BTBD16: variants seen among roughly 807,000 people sequenced by gnomAD.
BTBD16 encodes BTB domain containing 16, also known as BTB/POZ domain-containing protein 16.
Under a neutral mutation model 67.4 loss-of-function variants are expected in BTBD16, and 66 were observed. The ratio of observed to expected loss-of-function variants is 0.98; its 90% CI spans 0.80 to 1.20. The LOEUF (loss-of-function observed/expected upper bound fraction) is 1.20. BTBD16 is among the 50% of genes most tolerant of loss of function. BTBD16 has a pLI of 0.00. For synonymous variants in BTBD16, 242 were observed against 236.4 expected (o/e 1.02, Z -0.22); for missense variants, 634 against 616.0 (o/e 1.03, Z -0.31).
intron 7 of BTBD16, among the ~76,000 whole-genome samples, chr10:122,296,998 G>C (rs1269220199): frequency 6.6e-6 from 1 of 152,244 alleles, no homozygotes; most frequent in Non-Finnish European, 1.5e-5. Context: ...GGCCTGGCCT[G>C]TTCTTTTTCC....
chr10:122,275,668 G>T (rs1486459256), intron 2 of BTBD16, among the ~76,000 whole-genome samples: 2 of 152,108 alleles, frequency 1.3e-5, no homozygotes, highest in African/African-American at 2.4e-5. Flanking sequence ...TGGTGCCCTG[G>T]GTGGCTTGGG....
At chr10:122,321,401 G>A (rs2096435190) in intron 10 of BTBD16, among the ~76,000 whole-genome samples, 1 of 152,162 alleles carries the variant, frequency 6.6e-6, no homozygotes, top group Admixed American at 6.6e-5. Flanking sequence ...AAATGGTATA[G>A]TGCAATTTTC....
intron 13 of BTBD16, chr10:122,333,145 G>A (rs755913472): frequency 3.5e-5 from 7 of 197,424 alleles, no homozygotes; most frequent in Admixed American, 6.5e-5. Flanking sequence ...AAGAATTCAC[G>A]TTTCAAGAAC....
chr10:122,305,268 T>G (rs1368906694), intron 9 of BTBD16, among the ~76,000 whole-genome samples: 1 of 152,256 alleles, frequency 6.6e-6, no homozygotes, highest in Non-Finnish European at 1.5e-5. Context: ...GTGATCAGTA[T>G]AATATCCTTG....
chr10:122,291,148 G>A lies in BTBD16; in HGVS notation c.544G>A (p.Val182Met). The change falls in exon 7 of 16, where the codon GTG becomes ATG. Residue 182 changes from valine (V) to methionine (M), a missense_variant. Val to Met is a conservative substitution (Grantham distance 21, BLOSUM62 1). Transcript: ENST00000260723. ...GATTAACTTGGAAGACCTACTGGGAGTGCTGGCTTCCGCCCACATCCTCCA... is the reference window on the plus strand; with the variant it reads ...GATTAACTTGGAAGACCTACTGGGAATGCTGGCTTCCGCCCACATCCTCCA... ...VEINLEDLLGVLASAHILQFS... is the reference protein window; with the variant it reads ...VEINLEDLLGMLASAHILQFS... 3.1e-6 allele frequency: 5 copies of A among 1,613,922 alleles called. No homozygotes were observed. The highest frequency in any genetic ancestry group is 4.2e-6 in the Non-Finnish European group (5 of 1,179,916).
chr10:122,291,250 C>T (rs549354896), intron 7 of BTBD16, 56 bp downstream of exon 7: 532 of 1,565,606 alleles, frequency 3.4e-4, no homozygotes, highest in Non-Finnish European at 4.0e-4. Flanking sequence ...ATCGGAAGGG[C>T]AATTCCTGGC....
At chr10:122,331,375 T>C in intron 12 of BTBD16, 117 bp downstream of exon 12, 1 of 1,380,266 alleles carries the variant, frequency 7.2e-7, no homozygotes, top group Non-Finnish European at 9.5e-7. Context: ...TCAGGACATA[T>C]CTGGATCATC....
intron 10 of BTBD16, among the ~76,000 whole-genome samples, chr10:122,323,752 C>T (rs2096439469): frequency 1.3e-5 from 2 of 152,178 alleles, no homozygotes; most frequent in Non-Finnish European, 2.9e-5. Context: ...TAGAGATCAT[C>T]TGGTCTCACC....
intron 10 of BTBD16, among the ~76,000 whole-genome samples, chr10:122,310,490 C>T (rs987433102): frequency 2.0e-5 from 3 of 152,120 alleles, no homozygotes; most frequent in South Asian, 2.1e-4. Flanking sequence ...CAGGGAGTCA[C>T]GGACAGCCTG....
chr10:122,325,620 A>C (rs1180576391), intron 10 of BTBD16, among the ~76,000 whole-genome samples: 1 of 151,844 alleles, frequency 6.6e-6, no homozygotes, highest in Non-Finnish European at 1.5e-5. Flanking sequence ...TTCATTTACC[A>C]CACTTGAGTG....
At chr10:122,316,321 C>G (rs922071748) in intron 10 of BTBD16, among the ~76,000 whole-genome samples, 4 of 152,076 alleles carry the variant, frequency 2.6e-5, no homozygotes, top group African/African-American at 9.7e-5. Context: ...TTTGCTCCAG[C>G]CCCACCACCA....
Position 122,329,476 on chromosome 10 carries a change from T to G in BTBD16, c.912-4T>G. ...CTGTTATTCTTCTTTATGCCTCTGC[T>G]AAGCTTTCCTGAGAACTGTTGCTTT... On this transcript the variant is annotated splice_region_variant and splice_polypyrimidine_tract_variant and intron_variant, in intron 10 of 15. Coordinates refer to ENST00000260723, the MANE Select transcript of BTBD16 (RefSeq NM_144587.5). 1 of 1,613,826 alleles carries G rather than the reference T, an allele frequency of 6.2e-7. No individual in the cohort carries two copies.
chr10:122,276,725 G>A (rs1256413449), intron 2 of BTBD16, 66 bp from the exon 3 acceptor site: 1 of 1,578,546 alleles, frequency 6.3e-7, no homozygotes, highest in Non-Finnish European at 8.6e-7. Context: ...TATACAATTT[G>A]GAAAATCTGG....
At chr10:122,292,730 C>A (rs562255982) in intron 7 of BTBD16, among the ~76,000 whole-genome samples, 7 of 152,324 alleles carry the variant, frequency 4.6e-5, no homozygotes, top group African/African-American at 1.7e-4. Flanking sequence ...TGGGCAGGAT[C>A]CCTGCCCTCT....
At position 122,327,517 on chromosome 10, in the gene BTBD16, C is replaced by G. The variant is rs142091614; in HGVS notation, c.912-1963C>G. The G allele has an allele frequency of 1.3e-3, 1,162 of 877,806 alleles. 13 individuals carry two copies. In the African/African-American group the frequency reaches 0.02, roughly 15 times the overall value. 54.4% of individuals were successfully genotyped at this position (877,806 alleles called of 1,614,324 possible). ...GAGGAGAGTGAAGCTCTGAGAGGCCCGGTCACAGGACTGTGGCTGGCTGGG... is the reference window on the plus strand; with the variant it reads ...GAGGAGAGTGAAGCTCTGAGAGGCCGGGTCACAGGACTGTGGCTGGCTGGG... On this transcript the variant is annotated intron_variant, in intron 10 of 15. Coordinates refer to ENST00000260723, the MANE Select transcript of BTBD16 (RefSeq NM_144587.5).
intron 3 of BTBD16, among the ~76,000 whole-genome samples, chr10:122,279,935 A>G (rs1334474229): frequency 1.3e-5 from 2 of 152,054 alleles, no homozygotes; most frequent in Non-Finnish European, 2.9e-5. Flanking sequence ...CTTCTCGTCT[A>G]TTTCGGGTAT....
chr10:122,331,661 T>C (rs1345472338), intron 12 of BTBD16, among the ~76,000 whole-genome samples: 4 of 152,238 alleles, frequency 2.6e-5, no homozygotes, highest in Non-Finnish European at 5.9e-5. Context: ...CTTTTATTAC[T>C]GGTGACTATG....
intron 10 of BTBD16, chr10:122,328,759 A>T: frequency 1.0e-6 from 1 of 985,406 alleles, no homozygotes; most frequent in Non-Finnish European, 1.2e-6. Flanking sequence ...GAAGTGAGTT[A>T]TTTCAAAAGA....
chr10:122,318,996 G>T (rs897977076), intron 10 of BTBD16, among the ~76,000 whole-genome samples: 7 of 152,176 alleles, frequency 4.6e-5, no homozygotes, highest in Non-Finnish European at 8.8e-5. Flanking sequence ...GGTGAGCATT[G>T]TTTCATATGC....
Sources: gnomAD v4.1 joint callset for allele counts (sites outside exome capture counted in the v4.1 genomes callset) on GRCh38, gnomAD v4.1.1 for gene constraint, MANE v1.5 for transcripts, NCBI Gene and HGNC (gene_info 2026-07-23, HGNC 2026-07-21) for gene names.